BTBD7: variants seen among roughly 807,000 people sequenced by gnomAD.
The protein encoded by BTBD7 is BTB/POZ domain-containing protein 7.
BTBD7 carries 38 observed loss-of-function variants against 99.9 expected under a neutral mutation model. That is an observed-to-expected ratio of 0.38 (90% CI 0.29 to 0.50). The LOEUF (loss-of-function observed/expected upper bound fraction) is 0.50. Ranked by LOEUF, BTBD7 falls within the 20% of genes least tolerant of loss-of-function variation. BTBD7 has a pLI of 0.93. For synonymous variants in BTBD7, 520 were observed against 511.4 expected, an observed-to-expected ratio of 1.02 and a Z score of -0.23; for missense variants, 1,170 against 1,394.6, an observed-to-expected ratio of 0.84 and a Z score of 2.57.
At chr14:93,261,863 C>T (rs1322630364) in intron 4 of BTBD7, among the ~76,000 whole-genome samples, 186 bp from the exon 5 acceptor site, 1 of 152,194 alleles carries the variant, frequency 6.6e-6, no homozygotes, top group Non-Finnish European at 1.5e-5. Flanking sequence ...GACTGCATTA[C>T]ATATATTTTA....
intron 5 of BTBD7, among the ~76,000 whole-genome samples, chr14:93,257,704 T>A (rs1378372402): frequency 6.6e-6 from 1 of 152,210 alleles, no homozygotes; most frequent in Non-Finnish European, 1.5e-5. Flanking sequence ...TTGTGACCAG[T>A]GTTTAGTAGT....
At chr14:93,308,420 G>C (rs1269063053) in intron 1 of BTBD7, among the ~76,000 whole-genome samples, 1 of 151,900 alleles carries the variant, frequency 6.6e-6, no homozygotes, top group Non-Finnish European at 1.5e-5. Flanking sequence ...GTTTCCATAA[G>C]CAATAAAGTA....
Position 93,294,335 on chromosome 14 carries a change from T to C in BTBD7, c.685A>G (p.Thr229Ala), listed in dbSNP as rs1266849972. The C allele has an allele frequency of 6.2e-7, 1 of 1,614,050 alleles. No individual in the cohort carries two copies. Among genetic ancestry groups the C allele is most frequent in the Non-Finnish European group, 8.5e-7 (1 of 1,180,032 alleles). ...ATATCTACATCAAGGGAATTTGGTG[T>C]TCCAAATTCTTCACTAAGCTGAACA... Reference protein sequence around the residue: ...ILVQLSEEFGTPNSLDVDMRG... With the variant: ...ILVQLSEEFGAPNSLDVDMRG... Residue 229 changes from threonine (T) to alanine (A), a missense_variant, in exon 3 of 11, where the codon ACA (threonine) becomes GCA (alanine). Thr to Ala is a moderately conservative substitution (Grantham distance 58). Transcript: ENST00000334746.
intron 3 of BTBD7, among the ~76,000 whole-genome samples, chr14:93,292,124 T>C (rs1478837574): frequency 6.6e-6 from 1 of 152,042 alleles, no homozygotes; most frequent in African/African-American, 2.4e-5. Context: ...GAGGCGGAGG[T>C]TGCAGTGAGC....
At chr14:93,293,594 T>C (rs1271332701) in intron 3 of BTBD7, among the ~76,000 whole-genome samples, 2 of 152,168 alleles carry the variant, frequency 1.3e-5, no homozygotes, top group African/African-American at 4.8e-5. Context: ...CCCATACCTA[T>C]CGTCTTACAT....
At chr14:93,256,095 T>C (rs1008461616) in intron 6 of BTBD7, 2 of 152,232 alleles carry the variant, frequency 1.3e-5, no homozygotes, top group African/African-American at 4.8e-5. Flanking sequence ...TTTCTTCTAG[T>C]TCTTCCATGT....
At chr14:93,320,745 C>CTT (rs10695970) in intron 1 of BTBD7, among the ~76,000 whole-genome samples, 11,855 of 149,094 alleles carry the variant, frequency 0.08, 978 homozygotes, top group African/African-American at 0.21. Flanking sequence ...AGATAAACCA[C>CTT]TTTTTTTTTT....
At chr14:93,268,109 G>A (rs1377566710) in intron 3 of BTBD7, among the ~76,000 whole-genome samples, 1 of 152,130 alleles carries the variant, frequency 6.6e-6, no homozygotes, top group Non-Finnish European at 1.5e-5. Flanking sequence ...CAATTCCCCA[G>A]AAGTCCACCA....
At chr14:93,288,569 C>T in intron 3 of BTBD7, 1 of 836,720 alleles carries the variant, frequency 1.2e-6, no homozygotes, top group Non-Finnish European at 2.1e-6. Context: ...GTTCTTTTTG[C>T]TCTGATCTCT....
chr14:93,242,665 C>T lies in BTBD7; in HGVS notation c.3007G>A (p.Glu1003Lys). The change falls in exon 11 of 11, where the codon GAA (glutamate) becomes AAA (lysine). Residue 1003 changes from glutamate (E) to lysine (K), a missense_variant. This residue lies in a region of BTBD7 where 495 missense variants were observed against 525.9 expected (regional missense o/e 0.94). Transcript: ENST00000334746. ...AGTGGATATTCTCTCCTAGCTTCTTCCTGTTTTTTAGGAGACGTCTGACCA... is the reference window on the plus strand; with the variant it reads ...AGTGGATATTCTCTCCTAGCTTCTTTCTGTTTTTTAGGAGACGTCTGACCA... Reference protein sequence around the residue: ...LPGQTSPKKQEEARREYPLSP... With the variant: ...LPGQTSPKKQKEARREYPLSP... 6.2e-7 allele frequency: 1 copy of T among 1,614,158 alleles called. No individual in the cohort carries two copies. Among genetic ancestry groups the T allele is most frequent in the African/African-American group, 1.3e-5 (1 of 75,034 alleles).
intron 1 of BTBD7, among the ~76,000 whole-genome samples, chr14:93,332,054 G>C (rs1300947575): frequency 6.6e-6 from 1 of 152,180 alleles, no homozygotes; most frequent in African/African-American, 2.4e-5. Context: ...GCTGGTATGT[G>C]AAGACGTGCA....
In BTBD7 at chr14:93,242,028, G is replaced by A; in HGVS notation, c.*245C>T. ...AGAAATAAAAAGTGCCAGCCTGCTT[G>A]TTCTTAAAAATGCCTCCCGACATAA... On this transcript the variant is annotated 3_prime_UTR_variant, in exon 11 of 11. Coordinates refer to ENST00000334746, the MANE Select transcript of BTBD7 (RefSeq NM_001002860.4). 2.0e-6 allele frequency: 1 copy of A among 489,438 alleles called. No individual in the cohort carries two copies. Among genetic ancestry groups the A allele is most frequent in the South Asian group, 4.6e-5 (1 of 21,652 alleles). The allele number at this position is 489,438 out of a possible 1,614,324, so 30.3% of individuals were successfully genotyped here. A position where few individuals can be genotyped will look rare whatever the true frequency, so the allele number is the denominator to read the frequency against.
At chr14:93,264,155 AAT>A (rs1160983065) in intron 3 of BTBD7, among the ~76,000 whole-genome samples, 162 bp from the exon 4 acceptor site, 2 of 152,254 alleles carry the variant, frequency 1.3e-5, no homozygotes, top group Non-Finnish European at 2.9e-5. Context: ...ATGGGTAAAC[AAT>A]AGACTATGGC....
rs200329570 is a variant in BTBD7 at position 93,316,280 on chromosome 14, AAT to A, written c.-107+16538_-107+16539del. 9.8e-3 allele frequency among the ~76,000 whole-genome samples: 1,472 copies of A among 149,838 alleles called. 35 individuals carry two copies. The highest frequency in any genetic ancestry group is 0.036 in the African/African-American group (1,416 of 39,874). ...TTTTTTTTTTTAATTTTTTTTAAAA[AAT>A]AGAGACAGTCTCACTCTGTCACTCA... On this transcript the variant is annotated intron_variant, in intron 1 of 10. Transcript: ENST00000334746.
chr14:93,253,650 T>G lies in BTBD7; in HGVS notation c.1749A>C (p.Ala583=). ...ATCTTCAAATGGTTTTCATTACCTT[T>G]GCTTCTTCCACATAGGGAGAGAAGA... ...PRLFSPYVEE[A]KSVLDEMMVE... The change falls in exon 7 of 11, where the codon GCA becomes GCC. Residue 583 remains alanine (A), a synonymous_variant. Transcript: ENST00000334746. 1 of 1,609,594 alleles carries G rather than the reference T, an allele frequency of 6.2e-7. No individual in the cohort carries two copies.
At chr14:93,289,393 T>C (rs1291323481) in intron 3 of BTBD7, among the ~76,000 whole-genome samples, 1 of 152,210 alleles carries the variant, frequency 6.6e-6, no homozygotes, top group African/African-American at 2.4e-5. Flanking sequence ...GCTATGCATA[T>C]CCCTTCTTTC....
chr14:93,308,852 G>A (rs1038911431), intron 1 of BTBD7, among the ~76,000 whole-genome samples: 19 of 152,186 alleles, frequency 1.2e-4, no homozygotes, highest in Non-Finnish European at 8.8e-5. Flanking sequence ...GGAAGTTAGT[G>A]TTCAGTAAGC....
At chr14:93,263,528 A>G (rs1246088295) in intron 4 of BTBD7, among the ~76,000 whole-genome samples, 1 of 152,196 alleles carries the variant, frequency 6.6e-6, no homozygotes, top group Non-Finnish European at 1.5e-5. Context: ...GACCTTGCCT[A>G]CTGCCCCAAT....
Position 93,293,861 on chromosome 14 carries a change from G to C in BTBD7, c.1159C>G (p.Gln387Glu), listed in dbSNP as rs2052887366. 3 of 1,604,888 alleles carry C rather than the reference G, an allele frequency of 1.9e-6. No homozygotes were observed. In the East Asian group the frequency reaches 6.7e-5, roughly 36 times the overall value. The change falls in exon 3 of 11, where the codon CAA (glutamine) becomes GAA (glutamate). Residue 387 changes from glutamine (Q) to glutamate (E), a missense_variant. This residue lies in a region of BTBD7 where 359 missense variants were observed against 497.9 expected (regional missense o/e 0.72). Coordinates refer to ENST00000334746, the MANE Select transcript of BTBD7 (RefSeq NM_001002860.4). ...ATTAAAAACCAGAACTTCATACCTTGTGCAAGCATGTTAAATTCCAAGAAC... is the reference window on the plus strand; with the variant it reads ...ATTAAAAACCAGAACTTCATACCTTCTGCAAGCATGTTAAATTCCAAGAAC... ...ALFLEFNMLA[Q>E]GCEDIIAESI... is the part of the protein sequence containing the mutation.
Sources: gnomAD v4.1 joint callset for allele counts (sites outside exome capture counted in the v4.1 genomes callset) on GRCh38, gnomAD v4.1.1 for gene constraint, gnomAD v4.1.1 regional missense constraint, MANE v1.5 for transcripts, NCBI Gene and HGNC (gene_info 2026-07-23, HGNC 2026-07-21) for gene names.